The following TMC1 variants were observed in gnomAD, a reference collection of about 807,000 sequenced individuals.
TMC1 encodes the protein transmembrane channel-like protein 1.
Under a neutral mutation model 105.8 loss-of-function variants are expected in TMC1, and 84 were observed. The ratio of observed to expected loss-of-function variants is 0.79; its 90% CI spans 0.67 to 0.95. The LOEUF (loss-of-function observed/expected upper bound fraction) is 0.95, where lower values mean the gene tolerates loss of function less well. TMC1 is among the 40% of genes least tolerant of loss of function. The probability of loss-of-function intolerance (pLI) is 0.00; values close to 1 mark genes in which losing one functional copy is unlikely to be tolerated. For synonymous variants in TMC1, 315 were observed against 311.5 expected, an observed-to-expected ratio of 1.01 and a Z score of -0.12; for missense variants, 817 against 914.1, an observed-to-expected ratio of 0.89 and a Z score of 1.37.
intron 23 of TMC1, among the ~76,000 whole-genome samples, chr9:72,831,693 T>A (rs1829044473): frequency 6.6e-6 from 1 of 152,052 alleles, no homozygotes; most frequent in Non-Finnish European, 1.5e-5. Flanking sequence ...CGGTGTTTGG[T>A]TTTTTGTCCT....
At chr9:72,707,300 G>A (rs1263088868) in intron 8 of TMC1, among the ~76,000 whole-genome samples, 1 of 152,108 alleles carries the variant, frequency 6.6e-6, no homozygotes, top group Non-Finnish European at 1.5e-5. Flanking sequence ...GGGTCAAATG[G>A]TAGTTCTACT....
At chr9:72,695,521 A>C (rs1273248701) in intron 7 of TMC1, among the ~76,000 whole-genome samples, 1 of 147,730 alleles carries the variant, frequency 6.8e-6, no homozygotes, top group East Asian at 2.1e-4. Context: ...AACCTGTTCC[A>C]CAACTCACAG....
At chr9:72,746,470 G>A (rs1333518647) in intron 10 of TMC1, among the ~76,000 whole-genome samples, 1 of 152,150 alleles carries the variant, frequency 6.6e-6, no homozygotes, top group Non-Finnish European at 1.5e-5. Flanking sequence ...TAAGTGGCAT[G>A]GTCAAAAGAG....
intron 5 of TMC1, among the ~76,000 whole-genome samples, chr9:72,683,982 T>C (rs751789118): frequency 2.6e-5 from 4 of 151,600 alleles, no homozygotes; most frequent in Non-Finnish European, 4.4e-5. Context: ...TGAATTGCTA[T>C]AGTGGACTCA....
At chr9:72,822,930 T>C (rs1013264441) in intron 20 of TMC1, among the ~76,000 whole-genome samples, 1 of 152,226 alleles carries the variant, frequency 6.6e-6, no homozygotes, top group African/African-American at 2.4e-5. Flanking sequence ...TCTTAAGCCC[T>C]AACTCTTCTG....
intron 5 of TMC1, among the ~76,000 whole-genome samples, chr9:72,688,467 G>A (rs1358231482): frequency 1.3e-5 from 2 of 152,022 alleles, no homozygotes; most frequent in South Asian, 2.1e-4. Flanking sequence ...TTTGAATTGG[G>A]CTTATAACTG....
chr9:72,690,111 G>A lies in TMC1; in HGVS notation c.64+1355G>A, dbSNP rs147723788. Among the ~76,000 whole-genome samples, 495 of 151,272 alleles carry A rather than the reference G, an allele frequency of 3.3e-3. 3 individuals carry two copies. Among genetic ancestry groups the A allele is most frequent in the African/African-American group, 0.011 (459 of 41,276 alleles). ...TTGATTCCTTTCTCTTTTCTTTTGT[G>A]TGTCTTCTATAGAAATTTTATTGTG... On this transcript the variant is annotated intron_variant, in intron 6 of 23. Coordinates refer to ENST00000297784, the MANE Select transcript of TMC1 (RefSeq NM_138691.3).
Position 72,821,038 on chromosome 9 carries a change from A to C in TMC1, c.1960A>C (p.Met654Leu), listed in dbSNP as rs121908074. The C allele has an allele frequency of 1.2e-6, 2 of 1,614,166 alleles. No individual in the cohort carries two copies. The highest frequency in any genetic ancestry group is 1.1e-5 in the South Asian group (1 of 91,080). Residue 654 changes from methionine to leucine, a missense_variant, in exon 20 of 24, where the codon ATG (methionine) becomes CTG (leucine). Transcript: ENST00000297784. ...LFLSTMPVLY[M>L]IVSLPPSFDC... ...CCTGTCCACAATGCCTGTCTTGTAC[A>C]TGATCGTGTCCCTCCCACCATCTTT...
At chr9:72,749,327 A>G (rs1827541720) in intron 10 of TMC1, among the ~76,000 whole-genome samples, 1 of 152,184 alleles carries the variant, frequency 6.6e-6, no homozygotes, top group Non-Finnish European at 1.5e-5. Flanking sequence ...ATTCCAGGGA[A>G]AAACTTACAT....
chr9:72,706,780 T>C (rs1251347758), intron 8 of TMC1, among the ~76,000 whole-genome samples: 2 of 147,712 alleles, frequency 1.4e-5, no homozygotes, highest in Non-Finnish European at 3.0e-5. Flanking sequence ...CTTTCTTTCT[T>C]TTTTTTTTTT....
At chr9:72,715,788 A>T (rs779045493) in intron 8 of TMC1, among the ~76,000 whole-genome samples, 11 of 151,932 alleles carry the variant, frequency 7.2e-5, no homozygotes, top group Non-Finnish European at 1.5e-4. Context: ...TTCTCCATCC[A>T]GTTTTGTTCG....
At chr9:72,571,442 C>CTTTT (rs35382914) in intron 1 of TMC1, among the ~76,000 whole-genome samples, 7 of 139,096 alleles carry the variant, frequency 5.0e-5, no homozygotes, top group Non-Finnish European at 1.1e-4. Flanking sequence ...CAACCTCACG[C>CTTTT]TTTTTTTTTT....
At chr9:72,528,821 C>A (rs1231305737) in intron 1 of TMC1, among the ~76,000 whole-genome samples, 2 of 152,042 alleles carry the variant, frequency 1.3e-5, no homozygotes, top group Non-Finnish European at 2.9e-5. Context: ...CTTTAGTATG[C>A]CCTTTGTTAC....
rs12336765 is a variant in TMC1, at chr9:72,786,042, G to A, written c.885-2297G>A. On this transcript the variant is annotated intron_variant, in intron 13 of 23. Coordinates refer to ENST00000297784, the MANE Select transcript of TMC1 (RefSeq NM_138691.3). ...ACCCTGTTGGTTTAGGATTTAAAGA[G>A]GCATTTATTTGATTTGTTAAAAACC... Among the ~76,000 whole-genome samples the A allele has an allele frequency of 1.1e-3, 166 of 152,244 alleles. 4 individuals are homozygous for A. The highest frequency in any genetic ancestry group is 3.8e-3 in the African/African-American group (157 of 41,542).
intron 5 of TMC1, among the ~76,000 whole-genome samples, chr9:72,662,756 A>G (rs1435807222): frequency 3.9e-5 from 6 of 152,216 alleles, no homozygotes; most frequent in Admixed American, 3.3e-4. Flanking sequence ...TCTTAGCCAT[A>G]AAACACTTGT....
chr9:72,724,311 A>G (rs1197186158), intron 8 of TMC1, among the ~76,000 whole-genome samples: 1 of 152,206 alleles, frequency 6.6e-6, no homozygotes, highest in Non-Finnish European at 1.5e-5. Flanking sequence ...TCACATGGTG[A>G]GCAAGGACGA....
intron 1 of TMC1, among the ~76,000 whole-genome samples, chr9:72,547,126 A>C (rs1199489744): frequency 2.6e-5 from 4 of 152,136 alleles, no homozygotes; most frequent in Non-Finnish European, 5.9e-5. Context: ...GTCTCTACTG[A>C]AAATACAAAA....
At chr9:72,725,325 G>GTATGTATA (rs1554723230) in intron 8 of TMC1, among the ~76,000 whole-genome samples, 173 of 77,630 alleles carry the variant, frequency 2.2e-3, no homozygotes, top group Non-Finnish European at 4.2e-3. Context: ...ATGTGTGTAT[G>GTATGTATA]TATATATATA....
In TMC1 at chr9:72,607,000, T is replaced by TAGAG. The variant is rs796092443; in HGVS notation, c.-305-9367_-305-9366insGAGA. On this transcript the variant is annotated intron_variant, in intron 2 of 23. Transcript: ENST00000297784. Reference sequence around the variant, plus strand: ...GTGTGTGCATATATATATATATATATATAGAGAGAGAGAGAGAGAGAGAGA... The same window carrying TAGAG: ...GTGTGTGCATATATATATATATATATAGAGATAGAGAGAGAGAGAGAGAGAGAGA... 2.6e-3 allele frequency among the ~76,000 whole-genome samples: 338 copies of TAGAG among 128,712 alleles called. 2 individuals are homozygous for TAGAG. Among genetic ancestry groups the TAGAG allele is most frequent in the African/African-American group, 8.0e-3 (269 of 33,746 alleles). 84.4% of individuals were successfully genotyped at this position (128,712 alleles called of 152,430 possible).
Sources: allele counts gnomAD v4.1 joint callset (sites outside exome capture counted in the v4.1 genomes callset), GRCh38; gene constraint gnomAD v4.1.1; transcripts MANE v1.5; gene names NCBI Gene and HGNC (gene_info 2026-07-23, HGNC 2026-07-21).